The following RORA variants were observed in gnomAD, a reference collection of about 807,000 sequenced individuals.
The protein encoded by RORA is RAR related orphan receptor A, also known as nuclear receptor ROR-alpha.
A neutral mutation model predicts 69.5 loss-of-function variants in RORA; 7 were observed. The ratio of observed to expected loss-of-function variants is 0.10; its 90% confidence interval spans 0.06 to 0.19. RORA has a LOEUF of 0.19. RORA is among the 10% of genes least tolerant of loss of function. The pLI is 1.00. For synonymous variants in RORA, 261 were observed against 240.8 expected (o/e 1.08, Z -0.78); for missense variants, 457 against 663.0 (o/e 0.69, Z 3.41).
intron 1 of RORA, among the ~76,000 whole-genome samples, chr15:60,692,005 T>C (rs1255470058): frequency 1.3e-5 from 2 of 152,214 alleles, no homozygotes; most frequent in South Asian, 4.1e-4. Context: ...TCAGGATAAC[T>C]CTCTCATTTC....
At chr15:61,037,021 G>T in intron 1 of RORA, among the ~76,000 whole-genome samples, 1 of 152,084 alleles carries the variant, frequency 6.6e-6, no homozygotes, top group South Asian at 2.1e-4. Flanking sequence ...CTTTTGTCAG[G>T]CGGCAACAGG....
rs1195826755 is a variant in RORA, at chr15:61,078,595, T to C, written c.166+150458A>G. ...ATCCTTTCACAGAGAGGAAAACCAA[T>C]GCTCAGAGAGGATAAGGAGATTGCA... On this transcript the variant is annotated intron_variant, in intron 1 of 10. Transcript: ENST00000335670. Among the ~76,000 whole-genome samples the C allele has an allele frequency of 2.0e-5, 3 of 152,144 alleles. No homozygotes were observed. The East Asian group carries it at 5.8e-4, about 29-fold the overall frequency.
At chr15:60,609,734 G>T (rs1430560418) in intron 2 of RORA, among the ~76,000 whole-genome samples, 1 of 152,250 alleles carries the variant, frequency 6.6e-6, no homozygotes, top group East Asian at 1.9e-4. Flanking sequence ...GTTGCCCAAA[G>T]AGGGGTCTCC....
intron 1 of RORA, among the ~76,000 whole-genome samples, chr15:60,887,881 T>C (rs1241518553): frequency 6.6e-6 from 1 of 152,198 alleles, no homozygotes; most frequent in East Asian, 1.9e-4. Context: ...TTCCCTCACA[T>C]CTTACTTCAC....
chr15:60,973,637 T>G (rs188995612), intron 1 of RORA, among the ~76,000 whole-genome samples: 1 of 152,214 alleles, frequency 6.6e-6, no homozygotes, highest in African/African-American at 2.4e-5. Context: ...GCTGTTAACA[T>G]TATTCGGCTT....
At chr15:60,615,382 C>T (rs2069210921) in intron 2 of RORA, among the ~76,000 whole-genome samples, 1 of 152,186 alleles carries the variant, frequency 6.6e-6, no homozygotes, top group Non-Finnish European at 1.5e-5. Context: ...GCCGGTATCT[C>T]TAACCCTCAC....
At chr15:60,941,393 C>T (rs907991052) in intron 1 of RORA, among the ~76,000 whole-genome samples, 5 of 152,226 alleles carry the variant, frequency 3.3e-5, no homozygotes, top group African/African-American at 4.8e-5. Context: ...GTTGGCGTCT[C>T]GCGATTCCAT....
intron 1 of RORA, among the ~76,000 whole-genome samples, chr15:60,828,505 T>C (rs141819358): frequency 1.7e-3 from 262 of 152,276 alleles, no homozygotes; most frequent in South Asian, 4.4e-3. Flanking sequence ...CCAGCATCTC[T>C]GGGTGGCTAG....
At chr15:61,175,540 C>CTAAATAAAAA (rs199811070) in intron 1 of RORA, among the ~76,000 whole-genome samples, 1 of 37,434 alleles carries the variant, frequency 2.7e-5, no homozygotes, top group Non-Finnish European at 8.7e-5. Context: ...GATCCTGTTT[C>CTAAATAAAAA]TAAAAAAAAA....
At position 60,584,807 on chromosome 15, in the gene RORA, G is replaced by GA. The variant is rs553357229; in HGVS notation, c.197-52957dup. On this transcript the variant is annotated intron_variant, in intron 2 of 10. Coordinates refer to ENST00000335670, the MANE Select transcript of RORA (RefSeq NM_134261.3). ...AAAAAGAGAATACTTCTCATGTGGT[G>GA]AAAAAAAATCACACTTCTGGGTGGC... Among the ~76,000 whole-genome samples the GA allele has an allele frequency of 9.9e-4, 150 of 151,846 alleles. 2 individuals are homozygous for GA. The highest frequency in any genetic ancestry group is 3.4e-3 in the African/African-American group (139 of 41,420).
At chr15:61,005,315 A>C (rs1894876098) in intron 1 of RORA, among the ~76,000 whole-genome samples, 1 of 152,074 alleles carries the variant, frequency 6.6e-6, no homozygotes, top group African/African-American at 2.4e-5. Context: ...CACCACCTTT[A>C]CTAAAAATAC....
chr15:60,997,648 T>C (rs1894599694), intron 1 of RORA, among the ~76,000 whole-genome samples: 1 of 152,202 alleles, frequency 6.6e-6, no homozygotes. Context: ...AAAGCACCCA[T>C]GTATATCTTC....
chr15:60,927,922 C>A (rs976791690), intron 1 of RORA, among the ~76,000 whole-genome samples: 2 of 152,312 alleles, frequency 1.3e-5, no homozygotes, highest in East Asian at 3.9e-4. Context: ...TGGCTATTGA[C>A]AGTGTCTGGA....
intron 1 of RORA, among the ~76,000 whole-genome samples, chr15:60,948,526 C>T (rs915795897): frequency 6.6e-6 from 1 of 152,118 alleles, no homozygotes; most frequent in Non-Finnish European, 1.5e-5. Flanking sequence ...GGATAAGTAA[C>T]AACAGAAACA....
intron 1 of RORA, among the ~76,000 whole-genome samples, chr15:61,082,837 G>A (rs1009733677): frequency 2.6e-5 from 4 of 152,082 alleles, no homozygotes; most frequent in Admixed American, 2.0e-4. Flanking sequence ...GATAAAATAC[G>A]AATAATTGAT....
At chr15:60,911,738 C>G (rs1313020811) in intron 1 of RORA, among the ~76,000 whole-genome samples, 1 of 146,220 alleles carries the variant, frequency 6.8e-6, no homozygotes, top group Non-Finnish European at 1.5e-5. Flanking sequence ...CTCGCACTGT[C>G]CCCCAGGCTG....
At chr15:60,722,996 T>C (rs920270462) in intron 1 of RORA, among the ~76,000 whole-genome samples, 2 of 152,152 alleles carry the variant, frequency 1.3e-5, no homozygotes, top group African/African-American at 2.4e-5. Context: ...TCTGCAAAGA[T>C]AGAAAAAAAC....
At chr15:60,703,571 G>C (rs1416089280) in intron 1 of RORA, among the ~76,000 whole-genome samples, 1 of 152,176 alleles carries the variant, frequency 6.6e-6, no homozygotes, top group Admixed American at 6.5e-5. Flanking sequence ...GTGCAGCTTA[G>C]ATGGGGACAG....
At chr15:60,753,545 C>A (rs1424834784) in intron 1 of RORA, among the ~76,000 whole-genome samples, 2 of 152,238 alleles carry the variant, frequency 1.3e-5, no homozygotes, top group Middle Eastern at 3.2e-3. Flanking sequence ...GTGAATTTCA[C>A]AACCACCATG....
Sources: gnomAD v4.1 joint callset for allele counts (sites outside exome capture counted in the v4.1 genomes callset) on GRCh38, gnomAD v4.1.1 for gene constraint, MANE v1.5 for transcripts, NCBI Gene and HGNC (gene_info 2026-07-23, HGNC 2026-07-21) for gene names.